The following CFAP46 variants were observed in gnomAD, a reference collection of about 807,000 sequenced individuals.
CFAP46 encodes cilia and flagella associated protein 46.
In CFAP46, 245 loss-of-function variants were observed where a neutral mutation model predicts 325.7. The ratio of observed to expected loss-of-function variants is 0.75; its 90% confidence interval spans 0.68 to 0.84. CFAP46 has a LOEUF of 0.84. CFAP46 is among the 40% of genes least tolerant of loss of function. The pLI is 0.00. For synonymous variants in CFAP46, 1,523 were observed against 1,495.9 expected (o/e 1.02, Z -0.42); for missense variants, 3,346 against 3,543.0 (o/e 0.94, Z 1.41).
chr10:132,936,878 C>A, intron 7 of CFAP46, 83 bp downstream of exon 7: 1 of 737,294 alleles, frequency 1.4e-6, no homozygotes, highest in Non-Finnish European at 2.1e-6. Context: ...GACACAGGAC[C>A]TCCCCCCATG....
At chr10:132,893,733 T>C (rs1849284556) in intron 24 of CFAP46, among the ~76,000 whole-genome samples, 1 of 152,252 alleles carries the variant, frequency 6.6e-6, no homozygotes, top group Non-Finnish European at 1.5e-5. Flanking sequence ...CTCTTCCCAG[T>C]GTACTTTCTT....
chr10:132,810,957 G>T lies in CFAP46; in HGVS notation c.7576C>A (p.His2526Asn). 6.3e-7 allele frequency: 1 copy of T among 1,599,610 alleles called. No homozygotes were observed. The highest frequency in any genetic ancestry group is 8.5e-7 in the Non-Finnish European group (1 of 1,172,920). Residue 2526 changes from histidine to asparagine, a missense_variant, in exon 56 of 58, where the codon CAC becomes AAC. His to Asn is a moderately conservative substitution (Grantham distance 68, BLOSUM62 1). Transcript: ENST00000368586. ...SLKRHMESVE[H>N]RRSVGRWEAN... ...TTCCAGGCAGCCAGGCACCTCCTGT[G>T]CTCCACGCTCTCCATGTGCCTCTTC...
At chr10:132,824,850 ATGTG>A (rs377100020) in intron 50 of CFAP46, among the ~76,000 whole-genome samples, 168 of 102,752 alleles carry the variant, frequency 1.6e-3, no homozygotes, top group Non-Finnish European at 2.7e-3. Context: ...GTGAGCGCTG[ATGTG>A]TGTGTGTGCT....
intron 33 of CFAP46, among the ~76,000 whole-genome samples, chr10:132,867,963 C>T (rs1464412131): frequency 2.0e-5 from 3 of 152,318 alleles, no homozygotes; most frequent in Middle Eastern, 6.8e-3. Flanking sequence ...CCGGCTGTCC[C>T]GCCTTCTCCT....
chr10:132,841,313 G>A (rs993163122), intron 44 of CFAP46, among the ~76,000 whole-genome samples: 4 of 152,212 alleles, frequency 2.6e-5, no homozygotes, highest in Non-Finnish European at 4.4e-5. Context: ...GTGGAGGCTC[G>A]AAGCAAGCCC....
intron 53 of CFAP46, 48 bp from the exon 54 acceptor site, chr10:132,814,302 C>T (rs774789683): frequency 1.0e-4 from 152 of 1,500,680 alleles, no homozygotes; most frequent in South Asian, 1.4e-4. Context: ...TCATCAGACA[C>T]GGGTGTGCAG....
In CFAP46 at chr10:132,860,414, T is replaced by G. The variant is rs2135224555; in HGVS notation, c.5198+3A>C. 1 of 1,545,554 alleles carries G rather than the reference T, an allele frequency of 6.5e-7. No individual in the cohort carries two copies. Among genetic ancestry groups the G allele is most frequent in the Non-Finnish European group, 8.8e-7 (1 of 1,141,988 alleles). ...ATGAACAGTGTTTCTTACAAAGAGT[T>G]ACCTGGCTTCTAGATCTGTGATCAT... On this transcript the variant is annotated splice_donor_region_variant and intron_variant, in intron 37 of 57. Transcript: ENST00000368586.
chr10:132,862,653 C>T (rs1848739535), intron 35 of CFAP46, among the ~76,000 whole-genome samples: 1 of 151,794 alleles, frequency 6.6e-6, no homozygotes, highest in South Asian at 2.1e-4. Flanking sequence ...GAGGTCAGAC[C>T]CCCGAGAGAC....
chr10:132,827,047 C>T lies in CFAP46; in HGVS notation c.7117+6311G>A, dbSNP rs75242199. On this transcript the variant is annotated intron_variant, in intron 50 of 57. Coordinates refer to ENST00000368586, the MANE Select transcript of CFAP46 (RefSeq NM_001200049.3). This position sits in a 1 kb window ranked among gnomAD's most constrained non-coding sequence, Gnocchi z 5.7. ...CACTATCAAAAACGGTTTCCGACAC[C>T]TCCATGAGCCTCGTGTCTGTGCCAA... 2.0e-5 allele frequency among the ~76,000 whole-genome samples: 3 copies of T among 152,274 alleles called. No homozygotes were observed. The highest frequency in any genetic ancestry group is 4.8e-5 in the African/African-American group (2 of 41,550).
chr10:132,908,513 T>C lies in CFAP46; in HGVS notation c.2879A>G (p.His960Arg). 6.4e-7 allele frequency: 1 copy of C among 1,550,562 alleles called. No individual in the cohort carries two copies. Among genetic ancestry groups the C allele is most frequent in the East Asian group, 2.4e-5 (1 of 40,920 alleles). The change falls in exon 22 of 58, where the codon CAC becomes CGC. Residue 960 changes from histidine to arginine, a missense_variant. Coordinates refer to ENST00000368586, the MANE Select transcript of CFAP46 (RefSeq NM_001200049.3). ...CTTGATGCCCATCTCCAGAGCCCTGTGAGCACAGGCCATGGTGGTCTCATG... is the reference window on the plus strand; with the variant it reads ...CTTGATGCCCATCTCCAGAGCCCTGCGAGCACAGGCCATGGTGGTCTCATG... ...RDHETTMACA[H>R]RALEMGIKYL...
intron 50 of CFAP46, among the ~76,000 whole-genome samples, chr10:132,830,482 T>C (rs1848131679): frequency 6.6e-6 from 1 of 152,250 alleles, no homozygotes; most frequent in Non-Finnish European, 1.5e-5. Flanking sequence ...CTAAAGATTC[T>C]ATTACTTTAA....
intron 10 of CFAP46, among the ~76,000 whole-genome samples, chr10:132,926,152 G>A (rs1020367365): frequency 1.3e-5 from 2 of 152,226 alleles, no homozygotes; most frequent in Non-Finnish European, 2.9e-5. Flanking sequence ...CGCCAGGGCC[G>A]GCGGTGGCTT....
At position 132,869,595 on chromosome 10, in the gene CFAP46, C is replaced by T. The variant is rs1284921038; in HGVS notation, c.4512-223G>A. On this transcript the variant is annotated intron_variant, in intron 32 of 57. Transcript: ENST00000368586. The surrounding 1 kb of genome is among the most constrained non-coding windows in gnomAD (Gnocchi z 6.2). ...TCTTCTCCCGCTCCTTCACAGATCT[C>T]GTGCGAGGCATTATCTGTTGCCTCC... 2.6e-5 allele frequency among the ~76,000 whole-genome samples: 4 copies of T among 152,226 alleles called. No individual in the cohort carries two copies. The highest frequency in any genetic ancestry group is 7.2e-5 in the African/African-American group (3 of 41,470).
At chr10:132,892,036 C>T (rs1483567654) in intron 25 of CFAP46, among the ~76,000 whole-genome samples, 8 of 152,220 alleles carry the variant, frequency 5.3e-5, no homozygotes, top group African/African-American at 1.7e-4. Flanking sequence ...ATGCTCCTCA[C>T]ACGTGGCTCA....
At chr10:132,899,458 C>T in intron 23 of CFAP46, 77 bp downstream of exon 23, 1 of 1,460,810 alleles carries the variant, frequency 6.8e-7, no homozygotes, top group South Asian at 1.4e-5. Flanking sequence ...CAGGATGGGC[C>T]ACAGCCTTGG....
intron 8 of CFAP46, among the ~76,000 whole-genome samples, chr10:132,930,300 T>C (rs1849874025): frequency 1.3e-5 from 2 of 148,850 alleles, no homozygotes; most frequent in African/African-American, 2.5e-5. Context: ...AGCCCGAACC[T>C]TCCTCCTCCC....
At chr10:132,875,616 G>C (rs1848947254) in intron 31 of CFAP46, among the ~76,000 whole-genome samples, 1 of 152,196 alleles carries the variant, frequency 6.6e-6, no homozygotes, top group African/African-American at 2.4e-5. Flanking sequence ...AGCCAGCAGG[G>C]AAGGCAGCCA....
chr10:132,837,590 CAG>C (rs1366941874), intron 44 of CFAP46, among the ~76,000 whole-genome samples: 14 of 120,070 alleles, frequency 1.2e-4, no homozygotes, highest in African/African-American at 6.4e-5. Flanking sequence ...CACACGTACA[CAG>C]ATGCGCACGG....
At chr10:132,881,822 A>G (rs1412310193) in intron 27 of CFAP46, among the ~76,000 whole-genome samples, 1 of 151,992 alleles carries the variant, frequency 6.6e-6, no homozygotes, top group Non-Finnish European at 1.5e-5. Context: ...CTGCTGTCAA[A>G]TATCTGTGGC....
Sources: gnomAD v4.1 joint callset for allele counts (sites outside exome capture counted in the v4.1 genomes callset) on GRCh38, gnomAD v4.1.1 for gene constraint, Gnocchi (gnomAD v3.1) non-coding constraint, MANE v1.5 for transcripts, NCBI Gene and HGNC (gene_info 2026-07-23, HGNC 2026-07-21) for gene names.